The following RBFOX1 variants were observed in gnomAD, a reference collection of about 807,000 sequenced individuals.
RBFOX1 encodes RNA binding protein fox-1 homolog 1.
A neutral mutation model predicts 57.7 loss-of-function variants in RBFOX1; 8 were observed. That is an observed-to-expected ratio of 0.14 (90% CI 0.08 to 0.25). The LOEUF (loss-of-function observed/expected upper bound fraction) is 0.25. Among genes scored for constraint, RBFOX1 ranks in the 10% least tolerant of loss-of-function variants. The probability of loss-of-function intolerance (pLI) is 1.00; values close to 1 mark genes in which losing one functional copy is unlikely to be tolerated. For missense variants in RBFOX1, 611 were observed against 548.5 expected (o/e 1.11, Z -1.14); for synonymous variants, 326 against 222.4 (o/e 1.47, Z -4.15).
At chr16:6,646,950 C>A (rs150895663) in intron 2 of RBFOX1, among the ~76,000 whole-genome samples, 1 of 152,182 alleles carries the variant, frequency 6.6e-6, no homozygotes, top group East Asian at 1.9e-4. Context: ...CTGGGCCTTA[C>A]AGGTCGTCTG....
At chr16:5,906,827 C>T (rs146794687) in intron 4 of RBFOX1, among the ~76,000 whole-genome samples, 26 of 146,422 alleles carry the variant, frequency 1.8e-4, no homozygotes, top group African/African-American at 5.3e-4. Flanking sequence ...CTCCACCTCT[C>T]GGGGTCAAGC....
intron 8 of RBFOX1, 129 bp downstream of exon 8, chr16:7,595,770 A>G (rs2094652921): frequency 8.6e-6 from 3 of 349,444 alleles, no homozygotes; most frequent in African/African-American, 4.5e-5. Context: ...ATATATATAT[A>G]TATATTTTTA....
chr16:6,914,961 C>T (rs1030109155), intron 3 of RBFOX1, among the ~76,000 whole-genome samples: 4 of 152,206 alleles, frequency 2.6e-5, no homozygotes, highest in African/African-American at 9.6e-5. Context: ...TCGGATAGTG[C>T]CTGCGTACTA....
intron 5 of RBFOX1, among the ~76,000 whole-genome samples, chr16:7,555,755 C>A (rs894457877): frequency 6.6e-6 from 1 of 152,170 alleles, no homozygotes; most frequent in African/African-American, 2.4e-5. Context: ...GCCCACTCTT[C>A]TTTGTCAAAT....
intron 1 of RBFOX1, among the ~76,000 whole-genome samples, chr16:6,029,396 T>A (rs1252906158): frequency 6.6e-6 from 1 of 152,246 alleles, no homozygotes; most frequent in African/African-American, 2.4e-5. Flanking sequence ...CCACAAATTT[T>A]AAAAACTTGA....
intron 3 of RBFOX1, among the ~76,000 whole-genome samples, chr16:6,815,008 A>G (rs1398336841): frequency 2.6e-5 from 4 of 152,146 alleles, no homozygotes; most frequent in Non-Finnish European, 5.9e-5. Flanking sequence ...CATCCTTATC[A>G]TTACTTCTTG....
chr16:6,368,288 C>T (rs959964690), intron 2 of RBFOX1, among the ~76,000 whole-genome samples: 2 of 152,152 alleles, frequency 1.3e-5, no homozygotes, highest in East Asian at 1.9e-4. Context: ...CTGGGACCAC[C>T]CCTGGAAGCT....
chr16:7,594,668 A>G (rs1425296060), intron 7 of RBFOX1, among the ~76,000 whole-genome samples: 1 of 152,246 alleles, frequency 6.6e-6, no homozygotes, highest in Non-Finnish European at 1.5e-5. Context: ...GGAAGTGGCC[A>G]GAATATTATT....
At chr16:6,678,832 G>A (rs1194142978) in intron 3 of RBFOX1, among the ~76,000 whole-genome samples, 2 of 152,078 alleles carry the variant, frequency 1.3e-5, no homozygotes, top group Non-Finnish European at 2.9e-5. Context: ...GTTCATCCAG[G>A]AGGCTGAGTG....
chr16:5,588,406 G>A (rs865968812), intron 2 of RBFOX1, among the ~76,000 whole-genome samples: 1 of 152,218 alleles, frequency 6.6e-6, no homozygotes, highest in South Asian at 2.1e-4. Flanking sequence ...CACAGAGGCC[G>A]AGTCCCCTTC....
chr16:6,233,461 C>G (rs1263584418), intron 1 of RBFOX1, among the ~76,000 whole-genome samples: 1 of 152,086 alleles, frequency 6.6e-6, no homozygotes, highest in East Asian at 1.9e-4. Flanking sequence ...ATTATATTAC[C>G]CCATAGGCAG....
rs193183256 is a variant in RBFOX1 at position 5,445,357 on chromosome 16, C to T, written c.220-21859C>T. On this transcript the variant is annotated intron_variant, in intron 1 of 2. Coordinates refer to the RBFOX1 transcript ENST00000585867. ...GTTCCATGTTCTACAAACTCAACACCCTGGAGTTTGCCTTTGGCATCTTTG... is the reference window on the plus strand; with the variant it reads ...GTTCCATGTTCTACAAACTCAACACTCTGGAGTTTGCCTTTGGCATCTTTG... Among the ~76,000 whole-genome samples the T allele has an allele frequency of 2.5e-4, 38 of 152,256 alleles. 1 individual carries two copies. The East Asian group carries it at 3.5e-3, about 14-fold the overall frequency.
intron 2 of RBFOX1, among the ~76,000 whole-genome samples, chr16:6,497,896 A>G (rs2095815948): frequency 6.6e-6 from 1 of 152,080 alleles, no homozygotes; most frequent in African/African-American, 2.4e-5. Context: ...GCCTAAAAGC[A>G]TTCAGAGGTT....
At chr16:6,698,826 T>C (rs111432252) in intron 3 of RBFOX1, among the ~76,000 whole-genome samples, 2 of 151,380 alleles carry the variant, frequency 1.3e-5, no homozygotes, top group Non-Finnish European at 2.9e-5. Context: ...TATAGTGATA[T>C]GGAATTCCAT....
intron 4 of RBFOX1, among the ~76,000 whole-genome samples, chr16:7,170,928 T>C (rs1048908788): frequency 6.6e-5 from 10 of 152,200 alleles, no homozygotes; most frequent in African/African-American, 2.4e-4. Flanking sequence ...TGGGTCTGTC[T>C]TTTATGACTT....
At chr16:6,952,131 A>G (rs1308164812) in intron 3 of RBFOX1, among the ~76,000 whole-genome samples, 1 of 152,154 alleles carries the variant, frequency 6.6e-6, no homozygotes, top group Non-Finnish European at 1.5e-5. Flanking sequence ...TTTCCCCACA[A>G]GTGCTTCGCA....
chr16:7,663,363 C>G (rs1162479483), intron 12 of RBFOX1, among the ~76,000 whole-genome samples: 1 of 152,168 alleles, frequency 6.6e-6, no homozygotes, highest in East Asian at 1.9e-4. Flanking sequence ...TACCAACCTC[C>G]TTAGTGTGTG....
At chr16:6,842,923 T>G (rs959809671) in intron 3 of RBFOX1, among the ~76,000 whole-genome samples, 1 of 152,100 alleles carries the variant, frequency 6.6e-6, no homozygotes, top group Non-Finnish European at 1.5e-5. Context: ...CATGCAGTGT[T>G]TGGTTTTCTG....
At chr16:6,713,779 T>G (rs1161214241) in intron 3 of RBFOX1, among the ~76,000 whole-genome samples, 2 of 152,144 alleles carry the variant, frequency 1.3e-5, no homozygotes, top group Non-Finnish European at 2.9e-5. Flanking sequence ...CCCTTCATGT[T>G]TCAGTTTTGA....
Sources: allele counts gnomAD v4.1 joint callset (sites outside exome capture counted in the v4.1 genomes callset), GRCh38; gene constraint gnomAD v4.1.1; transcripts MANE v1.5; gene names NCBI Gene and HGNC (gene_info 2026-07-23, HGNC 2026-07-21).